ZNF724: variants seen among roughly 807,000 people sequenced by gnomAD.
ZNF724 encodes the protein zinc finger protein 724.
In ZNF724, 14 loss-of-function variants were observed where a neutral mutation model predicts 29.3. That is an observed-to-expected ratio of 0.48 (90% CI 0.32 to 0.75). ZNF724 has a LOEUF of 0.75. Ranked by LOEUF, ZNF724 falls within the 30% of genes least tolerant of loss-of-function variation. The pLI, the probability that ZNF724 is intolerant of heterozygous loss-of-function variation, is 0.04. For missense variants in ZNF724, 557 were observed against 571.2 expected, an observed-to-expected ratio of 0.98 and a Z score of 0.25; for synonymous variants, 180 against 193.6, an observed-to-expected ratio of 0.93 and a Z score of 0.58.
intron 3 of ZNF724, among the ~76,000 whole-genome samples, chr19:23,224,584 AC>A: frequency 6.6e-6 from 1 of 152,316 alleles, no homozygotes; most frequent in South Asian, 2.1e-4. Flanking sequence ...GCAAAGAGCC[AC>A]AAAGAAAAAG....
chr19:23,250,157 G>A (rs1362654595), intron 1 of ZNF724, 83 bp downstream of exon 1: 2 of 558,748 alleles, frequency 3.6e-6, no homozygotes, highest in African/African-American at 1.9e-5. Flanking sequence ...ACTGCGGGGA[G>A]GCCCGAGTCC....
chr19:23,243,486 A>T (rs1348969865), intron 1 of ZNF724, among the ~76,000 whole-genome samples: 2 of 150,020 alleles, frequency 1.3e-5, no homozygotes, highest in Non-Finnish European at 3.0e-5. Context: ...AAAAAAAAAA[A>T]AAAAAAAAAA....
chr19:23,245,428 A>G (rs1972218426), intron 1 of ZNF724, among the ~76,000 whole-genome samples: 1 of 152,172 alleles, frequency 6.6e-6, no homozygotes, highest in Admixed American at 6.6e-5. Flanking sequence ...CCTGGCTAAT[A>G]TGGGGAAACC....
intron 1 of ZNF724, among the ~76,000 whole-genome samples, chr19:23,242,275 A>G (rs1293088646): frequency 3.9e-5 from 6 of 152,170 alleles, no homozygotes; most frequent in Admixed American, 1.3e-4. Context: ...GAGAAGATCA[A>G]TATCATTAAA....
At chr19:23,241,031 TCAA>T (rs759872431) in intron 1 of ZNF724, among the ~76,000 whole-genome samples, 17 of 151,354 alleles carry the variant, frequency 1.1e-4, no homozygotes, top group South Asian at 2.1e-4. Context: ...AGACTCCATC[TCAA>T]CAACAACAAC....
chr19:23,222,512 G>A lies in ZNF724; in HGVS notation c.1733C>T (p.Thr578Ile). ...TCCAGTATGAATTACCTTATGTTTAGTCAGAGTTGAGGACCAATTAAAGGC... is the reference window on the plus strand; with the variant it reads ...TCCAGTATGAATTACCTTATGTTTAATCAGAGTTGAGGACCAATTAAAGGC... ...GKAFNWSSTL[T>I]KHKVIHTGEK... The change falls in exon 4 of 4, where the codon ACT (threonine) becomes ATT (isoleucine). Residue 578 changes from threonine (T) to isoleucine (I), a missense_variant. This residue lies in a region of ZNF724 where 170 missense variants were observed against 220.7 expected (regional missense o/e 0.77). Coordinates refer to ENST00000418100, the MANE Select transcript of ZNF724 (RefSeq NM_001355404.2). The A allele has an allele frequency of 7.5e-7, 1 of 1,325,188 alleles. No homozygotes were observed. 82.1% of individuals were successfully genotyped at this position (1,325,188 alleles called of 1,614,324 possible).
chr19:23,234,867 T>A (rs1394350464), intron 1 of ZNF724, among the ~76,000 whole-genome samples: 1 of 152,212 alleles, frequency 6.6e-6, no homozygotes, highest in Non-Finnish European at 1.5e-5. Flanking sequence ...ATAAGTCCCC[T>A]GTCAATGCTG....
chr19:23,233,113 T>C lies in ZNF724; in HGVS notation c.4-820A>G, dbSNP rs145275058. The stretch of plus-strand genomic sequence containing the variant: ...GACACACAGCATCACTGCTGGAATA[T>C]TGTTCCCAATAAGTAAATTATAGTC... On this transcript the variant is annotated intron_variant, in intron 1 of 3. Coordinates refer to ENST00000418100, the MANE Select transcript of ZNF724 (RefSeq NM_001355404.2). Among the ~76,000 whole-genome samples the C allele has an allele frequency of 1.4e-3, 209 of 152,328 alleles. 1 individual carries two copies. Among genetic ancestry groups the C allele is most frequent in the African/African-American group, 4.9e-3 (202 of 41,578 alleles).
At chr19:23,247,474 A>G (rs1972260567) in intron 1 of ZNF724, among the ~76,000 whole-genome samples, 1 of 152,202 alleles carries the variant, frequency 6.6e-6, no homozygotes, top group Admixed American at 6.5e-5. Flanking sequence ...GCTGATTAGA[A>G]AACAGATGTG....
intron 1 of ZNF724, among the ~76,000 whole-genome samples, chr19:23,241,952 T>G (rs931333836): frequency 6.6e-6 from 1 of 152,210 alleles, no homozygotes; most frequent in African/African-American, 2.4e-5. Context: ...CTATCCCTGT[T>G]TTCAGATGAC....
chr19:23,226,341 A>G (rs1394841315), intron 3 of ZNF724, among the ~76,000 whole-genome samples: 1 of 151,992 alleles, frequency 6.6e-6, no homozygotes, highest in Non-Finnish European at 1.5e-5. Flanking sequence ...GTGAGCCACC[A>G]CGCCCAGCCC....
At chr19:23,224,160 C>T (rs1971779989) in intron 3 of ZNF724, 142 bp from the exon 4 acceptor site, 1 of 508,516 alleles carries the variant, frequency 2.0e-6, no homozygotes, top group Non-Finnish European at 3.4e-6. Context: ...GCCTGTACTC[C>T]CAGCACGTTG....
intron 1 of ZNF724, 85 bp downstream of exon 1, chr19:23,250,155 G>A (rs1972326940): frequency 9.0e-6 from 5 of 557,808 alleles, no homozygotes; most frequent in Non-Finnish European, 1.4e-5. Flanking sequence ...TGACTGCGGG[G>A]AGGCCCGAGT....
intron 1 of ZNF724, among the ~76,000 whole-genome samples, chr19:23,233,879 C>T (rs541690681): frequency 5.9e-5 from 9 of 151,828 alleles, no homozygotes; most frequent in African/African-American, 9.7e-5. Flanking sequence ...GGACAAATTA[C>T]ACCTGCATCT....
At chr19:23,233,729 C>CA (rs1971978240) in intron 1 of ZNF724, among the ~76,000 whole-genome samples, 1 of 151,362 alleles carries the variant, frequency 6.6e-6, no homozygotes, top group East Asian at 1.9e-4. Flanking sequence ...TCAAGGTTTG[C>CA]AAGTACTAAA....
chr19:23,230,212 C>T (rs1184507592), intron 3 of ZNF724, among the ~76,000 whole-genome samples: 1 of 151,530 alleles, frequency 6.6e-6, no homozygotes, highest in Non-Finnish European at 1.5e-5. Flanking sequence ...AATGATGTAT[C>T]AATGGAGGAA....
In ZNF724 at chr19:23,223,452, T is replaced by G; in HGVS notation, c.793A>C (p.Ile265Leu). The change falls in exon 4 of 4, where the codon ATA (isoleucine) becomes CTA (leucine). Residue 265 changes from isoleucine (I) to leucine (L), a missense_variant. This residue lies in a region of ZNF724 where 362 missense variants were observed against 295.5 expected (regional missense o/e 1.22). Coordinates refer to ENST00000418100, the MANE Select transcript of ZNF724 (RefSeq NM_001355404.2). Reference protein sequence around the residue: ...KREECGKAFNISSHLTTHKII... With the variant: ...KREECGKAFNLSSHLTTHKII... ...TTATGTGTAGTAAGGTGTGAGGATA[T>G]GTTAAAAGCTTTTCCACATTCTTCA... 1 of 764,692 alleles carries G rather than the reference T, an allele frequency of 1.3e-6. No individual in the cohort carries two copies. The highest frequency in any genetic ancestry group is 2.5e-5 in the East Asian group (1 of 40,590). 47.4% of individuals were successfully genotyped at this position (764,692 alleles called of 1,614,324 possible).
chr19:23,249,387 T>A (rs1972308003), intron 1 of ZNF724, among the ~76,000 whole-genome samples: 1 of 147,256 alleles, frequency 6.8e-6, no homozygotes, highest in African/African-American at 2.5e-5. Flanking sequence ...ATTACAAGCA[T>A]GCGCCACTAT....
At chr19:23,230,607 CAG>C (rs1345397393) in intron 3 of ZNF724, among the ~76,000 whole-genome samples, 1 of 152,058 alleles carries the variant, frequency 6.6e-6, no homozygotes, top group Non-Finnish European at 1.5e-5. Context: ...TAGTTTAACA[CAG>C]AGTTTCTTAA....
Sources: allele counts gnomAD v4.1 joint callset (sites outside exome capture counted in the v4.1 genomes callset), GRCh38; gene constraint gnomAD v4.1.1; regional missense constraint gnomAD v4.1.1; transcripts MANE v1.5; gene names NCBI Gene and HGNC (gene_info 2026-07-23, HGNC 2026-07-21).